Variants in TENM3 observed in about 807,000 individuals in gnomAD.
The protein encoded by TENM3 is teneurin-3.
Under a neutral mutation model 255.1 loss-of-function variants are expected in TENM3, and 63 were observed. The ratio of observed to expected loss-of-function variants is 0.25; its 90% CI spans 0.20 to 0.30. The LOEUF (loss-of-function observed/expected upper bound fraction) is 0.30. TENM3 is among the 10% of genes least tolerant of loss of function. TENM3 has a pLI of 1.00. For missense variants in TENM3, 2,929 were observed against 3,461.1 expected (o/e 0.85, Z 3.86); for synonymous variants, 1,306 against 1,322.3 (o/e 0.99, Z 0.27).
chr4:182,088,337 T>C, the TENM3 span, among the ~76,000 whole-genome samples: 1 of 152,080 alleles, frequency 6.6e-6, no homozygotes. Flanking sequence ...TCTTGTGGTC[T>C]TCAAAGGGTA....
chr4:182,387,641 G>C (rs1417920052), intron 3 of TENM3, among the ~76,000 whole-genome samples: 1 of 152,080 alleles, frequency 6.6e-6, no homozygotes, highest in Admixed American at 6.5e-5. Flanking sequence ...CTGAGCCCAG[G>C]GAGTCCACGA....
chr4:182,044,321 T>A, the TENM3 span, among the ~76,000 whole-genome samples: 1 of 152,202 alleles, frequency 6.6e-6, no homozygotes, highest in Non-Finnish European at 1.5e-5. Flanking sequence ...TTTAGGAAGA[T>A]GTCTTGAGTG....
intron 3 of TENM3, among the ~76,000 whole-genome samples, chr4:182,480,894 G>A (rs1240949221): frequency 1.3e-5 from 2 of 152,030 alleles, no homozygotes; most frequent in Non-Finnish European, 2.9e-5. Flanking sequence ...ACAGAGAATT[G>A]GGTATTTGAT....
intron 2 of TENM3, among the ~76,000 whole-genome samples, chr4:182,340,409 T>C (rs1017092123): frequency 2.0e-5 from 3 of 152,170 alleles, no homozygotes; most frequent in Non-Finnish European, 4.4e-5. Context: ...TATGTGGTTA[T>C]GGGTATTAAC....
At chr4:181,838,684 T>C in the TENM3 span, among the ~76,000 whole-genome samples, 1 of 152,284 alleles carries the variant, frequency 6.6e-6, no homozygotes, top group African/African-American at 2.4e-5. Context: ...TTCAAATTTA[T>C]TGACAAAAAT....
the TENM3 span, among the ~76,000 whole-genome samples, chr4:181,959,250 G>GT: frequency 6.6e-6 from 1 of 152,118 alleles, no homozygotes; most frequent in Non-Finnish European, 1.5e-5. Context: ...GCCCCCAGTG[G>GT]TTTTTGTCCT....
chr4:181,825,422 A>C, the TENM3 span, among the ~76,000 whole-genome samples: 10,186 of 149,240 alleles, frequency 0.068, 975 homozygotes, highest in East Asian at 0.52. Context: ...AAAAAAAAAA[A>C]AAAACAGAGA....
At chr4:182,002,164 T>C in the TENM3 span, among the ~76,000 whole-genome samples, 1 of 152,136 alleles carries the variant, frequency 6.6e-6, no homozygotes. Flanking sequence ...ATTAGATCTC[T>C]GCCAGAAGGA....
the TENM3 span, among the ~76,000 whole-genome samples, chr4:181,792,467 G>C: frequency 6.6e-6 from 1 of 152,126 alleles, no homozygotes; most frequent in African/African-American, 2.4e-5. Context: ...ACGTAAATAA[G>C]TCTACATTGT....
At chr4:182,660,325 G>C (rs1010961295) in intron 6 of TENM3, among the ~76,000 whole-genome samples, 1 of 152,190 alleles carries the variant, frequency 6.6e-6, no homozygotes, top group Admixed American at 6.5e-5. Context: ...GAAGGGCCAT[G>C]CATCAAGTAT....
At chr4:182,437,416 A>G (rs1211994777) in intron 3 of TENM3, among the ~76,000 whole-genome samples, 2 of 152,146 alleles carry the variant, frequency 1.3e-5, no homozygotes, top group African/African-American at 4.8e-5. Flanking sequence ...TGGGAGGCAG[A>G]GGTGGGAGAA....
chr4:181,467,647 A>G, the TENM3 span, among the ~76,000 whole-genome samples: 3 of 152,158 alleles, frequency 2.0e-5, no homozygotes, highest in African/African-American at 7.2e-5. Context: ...AGAAATGAGG[A>G]AAATGAGCAT....
At chr4:182,582,007 G>A (rs1054806552) in intron 3 of TENM3, among the ~76,000 whole-genome samples, 4 of 152,144 alleles carry the variant, frequency 2.6e-5, no homozygotes, top group African/African-American at 9.7e-5. Flanking sequence ...ACTAAAAAGT[G>A]TTAATTATAA....
chr4:181,740,132 C>T, the TENM3 span, among the ~76,000 whole-genome samples: 1 of 152,104 alleles, frequency 6.6e-6, no homozygotes, highest in Non-Finnish European at 1.5e-5. Flanking sequence ...GTATTCTAAA[C>T]CTCTTACTTC....
intron 24 of TENM3, among the ~76,000 whole-genome samples, chr4:182,784,469 T>G (rs568531309): frequency 0.096 from 13,723 of 143,346 alleles, 1,039 homozygotes; most frequent in East Asian, 0.22. Context: ...CTGTCAGACA[T>G]GGACATTTAA....
At chr4:182,201,058 C>G (rs1004743672) in intron 1 of TENM3, among the ~76,000 whole-genome samples, 4 of 152,044 alleles carry the variant, frequency 2.6e-5, no homozygotes, top group African/African-American at 9.7e-5. Context: ...CTCCTGACCT[C>G]AGGTGATCCA....
At chr4:181,638,963 C>T in the TENM3 span, among the ~76,000 whole-genome samples, 1 of 152,168 alleles carries the variant, frequency 6.6e-6, no homozygotes, top group African/African-American at 2.4e-5. Flanking sequence ...TTATTCTAAT[C>T]ATGCTGTACC....
intron 1 of TENM3, among the ~76,000 whole-genome samples, chr4:182,222,310 CA>C (rs1348793909): frequency 6.6e-6 from 1 of 152,200 alleles, no homozygotes; most frequent in African/African-American, 2.4e-5. Context: ...TGGAGGTCTT[CA>C]AAACTCATTG....
chr4:181,920,118 T>A, the TENM3 span, among the ~76,000 whole-genome samples: 2 of 152,084 alleles, frequency 1.3e-5, no homozygotes, highest in Non-Finnish European at 2.9e-5. Flanking sequence ...CACATTTTCT[T>A]AATCCAGTCT....
Sources: allele counts gnomAD v4.1 joint callset (sites outside exome capture counted in the v4.1 genomes callset), GRCh38; gene constraint gnomAD v4.1.1; transcripts MANE v1.5; gene names NCBI Gene and HGNC (gene_info 2026-07-23, HGNC 2026-07-21).